Variants in IGF2R observed in about 807,000 individuals in gnomAD.
The protein encoded by IGF2R is cation-independent mannose-6-phosphate receptor.
A neutral mutation model predicts 270.6 loss-of-function variants in IGF2R; 91 were observed. The observed-to-expected ratio is 0.34, with a 90% CI of 0.28 to 0.40. The LOEUF (loss-of-function observed/expected upper bound fraction) is 0.40. Among genes scored for constraint, IGF2R ranks in the 10% least tolerant of loss-of-function variants. IGF2R has a pLI of 1.00. For synonymous variants in IGF2R, 1,316 were observed against 1,258.9 expected (o/e 1.05, Z -0.96); for missense variants, 2,805 against 3,188.3 (o/e 0.88, Z 2.90).
At chr6:159,969,616 C>T (rs1331167163) in intron 1 of IGF2R, among the ~76,000 whole-genome samples, 1 of 152,144 alleles carries the variant, frequency 6.6e-6, no homozygotes, top group Admixed American at 6.5e-5. Context: ...GCGGTCGTGG[C>T]GGTCCTGGAG....
intron 16 of IGF2R, 56 bp from the exon 17 acceptor site, chr6:160,047,736 T>G (rs1455875138): frequency 4.6e-6 from 5 of 1,090,756 alleles, no homozygotes; most frequent in Non-Finnish European, 7.1e-6. Flanking sequence ...AATCCTGGTT[T>G]TATGTCACGT....
At chr6:160,064,670 TG>T (rs1778523092) in intron 28 of IGF2R, 133 bp from the exon 29 acceptor site, 1 of 1,134,374 alleles carries the variant, frequency 8.8e-7, no homozygotes, top group Non-Finnish European at 1.3e-6. Flanking sequence ...ACAGAAAATA[TG>T]TTGAAACTTT....
chr6:159,987,500 T>G (rs1399296505), intron 1 of IGF2R, among the ~76,000 whole-genome samples: 1 of 152,190 alleles, frequency 6.6e-6, no homozygotes, highest in Non-Finnish European at 1.5e-5. Context: ...CAAGCGATAC[T>G]CCTGCCTCAG....
At chr6:160,010,906 C>T in intron 4 of IGF2R, 121 bp downstream of exon 4, 1 of 610,322 alleles carries the variant, frequency 1.6e-6, no homozygotes, top group Non-Finnish European at 3.0e-6. Context: ...TGCATTTGAG[C>T]AGAGATACCA....
chr6:160,032,786 G>T, intron 8 of IGF2R, 73 bp downstream of exon 8: 1 of 1,515,486 alleles, frequency 6.6e-7, no homozygotes. Context: ...GGACAGTAGG[G>T]GCCAAGTCAG....
Position 160,084,663 on chromosome 6 carries a change from A to C in IGF2R, c.6069-332A>C, listed in dbSNP as rs1374625980. Among the ~76,000 whole-genome samples the C allele has an allele frequency of 6.6e-6, 1 of 152,006 alleles. No individual in the cohort carries two copies. The highest frequency in any genetic ancestry group is 2.4e-5 in the African/African-American group (1 of 41,392). Reference sequence around the variant, plus strand: ...GGACTCACAGGGTTTAAGTGGTTCTAAGTGAGGTGGGAAACTTGCCGAGAT... The same window carrying C: ...GGACTCACAGGGTTTAAGTGGTTCTCAGTGAGGTGGGAAACTTGCCGAGAT... On this transcript the variant is annotated intron_variant, in intron 40 of 47. Coordinates refer to ENST00000356956, the MANE Select transcript of IGF2R (RefSeq NM_000876.4). The surrounding 1 kb of genome is among the most constrained non-coding windows in gnomAD (Gnocchi z 4.6).
rs1023582369 is a variant in IGF2R at position 160,050,874 on chromosome 6, C to T, written c.2694+222C>T. Among the ~76,000 whole-genome samples the T allele has an allele frequency of 3.9e-5, 6 of 152,272 alleles. No homozygotes were observed. Among genetic ancestry groups the T allele is most frequent in the East Asian group, 1.9e-4 (1 of 5,184 alleles). ...GAAGTGTAAGCCTCATCTTTTGCTG[C>T]GGAGTTTGAGGCTCTGGTGACATAC... On this transcript the variant is annotated intron_variant, in intron 19 of 47. Coordinates refer to ENST00000356956, the MANE Select transcript of IGF2R (RefSeq NM_000876.4). This position sits in a 1 kb window ranked among gnomAD's most constrained non-coding sequence, Gnocchi z 4.0.
chr6:160,078,178 A>G, intron 36 of IGF2R, 23 bp from the exon 37 acceptor site: 1 of 1,612,424 alleles, frequency 6.2e-7, no homozygotes, highest in South Asian at 1.1e-5. Context: ...GGTTTTTAAG[A>G]CCCGTGCTCT....
intron 29 of IGF2R, among the ~76,000 whole-genome samples, 182 bp from the exon 30 acceptor site, chr6:160,068,065 GGT>G (rs879058804): frequency 0.12 from 9,392 of 77,322 alleles, 365 homozygotes; most frequent in East Asian, 0.18. Flanking sequence ...TCTGATGGGG[GGT>G]GTGTGTGTGT....
In IGF2R at chr6:160,050,424, C is replaced by A. The variant is rs948823604; in HGVS notation, c.2515-49C>A. 1 of 1,543,684 alleles carries A rather than the reference C, an allele frequency of 6.5e-7. No homozygotes were observed. On this transcript the variant is annotated intron_variant, in intron 18 of 47. Transcript: ENST00000356956. This position sits in a 1 kb window ranked among gnomAD's most constrained non-coding sequence, Gnocchi z 4.0. The stretch of plus-strand genomic sequence containing the variant: ...AATGTAACCACCACCAATAACGAAT[C>A]GACTGTATCTTCAGGGGGAAAAGCC...
At chr6:159,982,487 G>A (rs1583240968) in intron 1 of IGF2R, among the ~76,000 whole-genome samples, 1 of 152,172 alleles carries the variant, frequency 6.6e-6, no homozygotes, top group African/African-American at 2.4e-5. Context: ...TAGACTCAGA[G>A]AAACATTTCT....
intron 37 of IGF2R, 108 bp downstream of exon 37, chr6:160,078,470 G>A (rs908393868): frequency 1.9e-6 from 2 of 1,053,656 alleles, no homozygotes; most frequent in African/African-American, 1.6e-5. Context: ...CTGAGAGGGT[G>A]TATGTGGCCA....
chr6:160,034,488 G>C lies in IGF2R; in HGVS notation c.1281G>C (p.Met427Ile), dbSNP rs147711556. 9.9e-4 allele frequency: 1,600 copies of C among 1,611,538 alleles called. 4 individuals carry two copies. The highest frequency in any genetic ancestry group is 1.3e-3 in the Non-Finnish European group (1,511 of 1,177,796). ...GDECSSGFQR[M>I]SVINFECNKT... ...AATGCAGCTCAGGGTTTCAGCGGAT[G>C]AGCGTCATAAACTTTGAGTGCAATA... Residue 427 changes from methionine to isoleucine, a missense_variant, in exon 10 of 48, where the codon ATG (methionine) becomes ATC (isoleucine). By Grantham distance (10) the Met-to-Ile change is conservative. Transcript: ENST00000356956.
At chr6:160,002,715 T>C (rs1784148965) in intron 2 of IGF2R, among the ~76,000 whole-genome samples, 1 of 152,200 alleles carries the variant, frequency 6.6e-6, no homozygotes, top group Non-Finnish European at 1.5e-5. Context: ...TTAATAATTC[T>C]TATATATTTA....
intron 38 of IGF2R, 40 bp downstream of exon 38, chr6:160,079,827 A>G (rs1262089731): frequency 1.4e-6 from 2 of 1,430,980 alleles, no homozygotes; most frequent in Non-Finnish European, 9.3e-7. Flanking sequence ...TCAAGCTCAT[A>G]GTAAACTAGA....
intron 11 of IGF2R, among the ~76,000 whole-genome samples, chr6:160,041,659 C>G (rs142368846): frequency 6.6e-6 from 1 of 152,338 alleles, no homozygotes; most frequent in East Asian, 1.9e-4. Context: ...TGAGTCCCAC[C>G]TGGTTTGCTA....
rs764832815 is a variant in IGF2R at position 160,046,593 on chromosome 6, G to T, written c.1999G>T (p.Val667Leu). The T allele has an allele frequency of 6.2e-7, 1 of 1,613,826 alleles. No individual in the cohort carries two copies. ...CTTTTATATAAATGTGTGTGGCCCG[G>T]TGTCTGTGAGCCCCTGTCAGCCAGA... ...YDFYINVCGPVSVSPCQPDSG... is the reference protein window; with the variant it reads ...YDFYINVCGPLSVSPCQPDSG... The change falls in exon 15 of 48, where the codon GTG (valine) becomes TTG (leucine). Residue 667 changes from valine (V) to leucine (L), a missense_variant. Physicochemically the swap from Val to Leu is conservative, Grantham distance 32 (BLOSUM62 1). This residue lies in a region of IGF2R where 954 missense variants were observed against 981.1 expected (regional missense o/e 0.97). Transcript: ENST00000356956.
rs768749227 is a variant in IGF2R, at chr6:159,991,315, A to T, written c.281A>T (p.His94Leu). The T allele has an allele frequency of 1.9e-6, 3 of 1,608,272 alleles. No individual in the cohort carries two copies. In the South Asian group the frequency reaches 3.4e-5, roughly 18 times the overall value. ...CACGACTTGAAGACACGCACTTATC[A>T]TTCAGTGGGTAAGTAGAACTACCTG... ...CMHDLKTRTY[H>L]SVGDSVLRSA... Residue 94 changes from histidine to leucine, a missense_variant, in exon 2 of 48, where the codon CAT (histidine) becomes CTT (leucine). Physicochemically the swap from His to Leu is moderately conservative, Grantham distance 99 (BLOSUM62 -3). This residue lies in a region of IGF2R where 954 missense variants were observed against 981.1 expected (regional missense o/e 0.97). Coordinates refer to ENST00000356956, the MANE Select transcript of IGF2R (RefSeq NM_000876.4).
Position 160,084,263 on chromosome 6 carries a change from T to C in IGF2R, c.6068+79T>C. ...AGACTGCTTGACGATGGTTGGCTCTTTTGGGTTCTCAAGATGGGAATACTA... is the reference window on the plus strand; with the variant it reads ...AGACTGCTTGACGATGGTTGGCTCTCTTGGGTTCTCAAGATGGGAATACTA... On this transcript the variant is annotated intron_variant, in intron 40 of 47. Transcript: ENST00000356956. The surrounding 1 kb of genome is among the most constrained non-coding windows in gnomAD (Gnocchi z 4.6). 1.2e-6 allele frequency: 1 copy of C among 857,554 alleles called. No individual in the cohort carries two copies. The highest frequency in any genetic ancestry group is 1.5e-5 in the South Asian group (1 of 66,316). 53.1% of individuals were successfully genotyped at this position (857,554 alleles called of 1,614,324 possible). A position where few individuals can be genotyped will look rare whatever the true frequency, so the allele number is the denominator to read the frequency against.
Sources: allele counts gnomAD v4.1 joint callset (sites outside exome capture counted in the v4.1 genomes callset), GRCh38; gene constraint gnomAD v4.1.1; regional missense constraint gnomAD v4.1.1; non-coding constraint Gnocchi (gnomAD v3.1); transcripts MANE v1.5; gene names NCBI Gene and HGNC (gene_info 2026-07-23, HGNC 2026-07-21).